Variants in SPATA18 observed in about 807,000 individuals in gnomAD.
The protein encoded by SPATA18 is spermatogenesis associated 18.
SPATA18 carries 54 observed loss-of-function variants against 68.1 expected under a neutral mutation model. The ratio of observed to expected loss-of-function variants is 0.79; its 90% CI spans 0.64 to 0.99. SPATA18 has a LOEUF of 0.99. SPATA18 is among the 50% of genes least tolerant of loss of function. The pLI, the probability that SPATA18 is intolerant of heterozygous loss-of-function variation, is 0.00. For synonymous variants in SPATA18, 242 were observed against 244.8 expected, an observed-to-expected ratio of 0.99 and a Z score of 0.11; for missense variants, 724 against 681.1, an observed-to-expected ratio of 1.06 and a Z score of -0.70.
chr4:52,077,999 G>A lies in SPATA18; in HGVS notation c.1021-736G>A, dbSNP rs1467740633. Among the ~76,000 whole-genome samples, 3 of 151,892 alleles carry A rather than the reference G, an allele frequency of 2.0e-5. No homozygotes were observed. The East Asian group carries it at 5.8e-4, about 29-fold the overall frequency. On this transcript the variant is annotated intron_variant, in intron 7 of 12. Coordinates refer to ENST00000295213, the MANE Select transcript of SPATA18 (RefSeq NM_145263.4). ...TATTTATTCATTTAAATCAGGGTTA[G>A]CAAACCATGATCTATGGACCTTATC...
chr4:52,072,058 G>A lies in SPATA18; in HGVS notation c.660G>A (p.Gln220=). Residue 220 remains glutamine (Q), a synonymous_variant, in exon 6 of 13, where the codon CAG becomes CAA. Coordinates refer to ENST00000295213, the MANE Select transcript of SPATA18 (RefSeq NM_145263.4). ...ACTCACTCAAGCAGAATGCAGACCA[G>A]CAGGACACAGAAGCCATGTCCGATT... ...QWNSLKQNAD[Q]QDTEAMSDYK... 1.2e-6 allele frequency: 2 copies of A among 1,613,956 alleles called. No homozygotes were observed. Among genetic ancestry groups the A allele is most frequent in the Non-Finnish European group, 1.7e-6 (2 of 1,180,016 alleles).
In SPATA18 at chr4:52,062,334, T is replaced by G; in HGVS notation, c.422+2T>G. 6.4e-7 allele frequency: 1 copy of G among 1,566,262 alleles called. No individual in the cohort carries two copies. The highest frequency in any genetic ancestry group is 1.2e-5 in the South Asian group (1 of 86,096). Reference sequence around the variant, plus strand: ...TCAATGCAACCAGGTTCAAGACGAGTAAGAGGAATGCAAGTTATCTTTTTC... The same window carrying G: ...TCAATGCAACCAGGTTCAAGACGAGGAAGAGGAATGCAAGTTATCTTTTTC... On this transcript the variant is annotated splice_donor_variant, in intron 4 of 12. Transcript: ENST00000295213. LOFTEE classifies it high-confidence loss of function.
intron 4 of SPATA18, among the ~76,000 whole-genome samples, chr4:52,063,381 C>T (rs1266159588): frequency 6.6e-6 from 1 of 152,228 alleles, no homozygotes; most frequent in South Asian, 2.1e-4. Context: ...TATTTTACTC[C>T]AGACATTTTT....
At chr4:52,075,001 C>T (rs1009272326) in intron 6 of SPATA18, among the ~76,000 whole-genome samples, 6 of 152,118 alleles carry the variant, frequency 3.9e-5, no homozygotes, top group Non-Finnish European at 8.8e-5. Flanking sequence ...GGTTATAATC[C>T]AGGAATAAAG....
chr4:52,090,672 C>G (rs1430666401), intron 11 of SPATA18, among the ~76,000 whole-genome samples: 2 of 152,204 alleles, frequency 1.3e-5, no homozygotes, highest in East Asian at 3.9e-4. Flanking sequence ...GTATGATGAG[C>G]TTCCCTTTGT....
At chr4:52,052,438 A>C (rs1020270757) in intron 1 of SPATA18, among the ~76,000 whole-genome samples, 10 of 152,032 alleles carry the variant, frequency 6.6e-5, no homozygotes, top group African/African-American at 2.4e-4. Flanking sequence ...AGCACTTTTC[A>C]AATCTCATTA....
At chr4:52,072,597 G>A (rs781134732) in intron 6 of SPATA18, among the ~76,000 whole-genome samples, 15 of 152,094 alleles carry the variant, frequency 9.9e-5, no homozygotes, top group South Asian at 2.1e-4. Context: ...GTAGAGATGC[G>A]GGTTCACCAT....
chr4:52,084,160 A>G (rs891266233), intron 10 of SPATA18, among the ~76,000 whole-genome samples: 1 of 152,164 alleles, frequency 6.6e-6, no homozygotes, highest in African/African-American at 2.4e-5. Flanking sequence ...TACAGCAGTC[A>G]CACTCTGTTA....
At chr4:52,059,696 A>G (rs1738661346) in intron 1 of SPATA18, among the ~76,000 whole-genome samples, 1 of 152,236 alleles carries the variant, frequency 6.6e-6, no homozygotes, top group Admixed American at 6.5e-5. Flanking sequence ...GCTGCAGAGT[A>G]ACTGGCTATT....
intron 8 of SPATA18, 25 bp downstream of exon 8, chr4:52,078,918 ACT>A (rs1351127119): frequency 3.2e-6 from 5 of 1,539,140 alleles, no homozygotes; most frequent in Non-Finnish European, 3.5e-6. Context: ...TTTTATTAGG[ACT>A]GGTTTGCTGC....
At chr4:52,088,646 T>C (rs1036855676) in intron 11 of SPATA18, among the ~76,000 whole-genome samples, 1 of 152,206 alleles carries the variant, frequency 6.6e-6, no homozygotes, top group South Asian at 2.1e-4. Flanking sequence ...TTGTTCATAG[T>C]GGATAAGCTT....
rs191857838 is a variant in SPATA18, at chr4:52,068,035, G to A, written c.423-1786G>A. ...TCTTCTTTCTTTATGTCATCCAAGC[G>A]TGTGAAATTAGCATGTATGTTTGCT... On this transcript the variant is annotated intron_variant, in intron 4 of 12. Coordinates refer to ENST00000295213, the MANE Select transcript of SPATA18 (RefSeq NM_145263.4). Among the ~76,000 whole-genome samples the A allele has an allele frequency of 8.5e-5, 13 of 152,312 alleles. No homozygotes were observed. In the East Asian group the frequency reaches 9.7e-4, roughly 11 times the overall value.
At chr4:52,079,381 A>G (rs1328271326) in intron 8 of SPATA18, among the ~76,000 whole-genome samples, 2 of 152,208 alleles carry the variant, frequency 1.3e-5, no homozygotes, top group Admixed American at 6.5e-5. Flanking sequence ...ATAAAAGCAA[A>G]CTATTAATAA....
chr4:52,074,063 A>G (rs1740102344), intron 6 of SPATA18, among the ~76,000 whole-genome samples: 1 of 152,202 alleles, frequency 6.6e-6, no homozygotes, highest in African/African-American at 2.4e-5. Flanking sequence ...CATGGTAAGT[A>G]AAACCTCCCC....
In SPATA18 at chr4:52,051,656, C is replaced by T. The variant is rs535443261; in HGVS notation, c.-49C>T. 2.5e-5 allele frequency: 39 copies of T among 1,573,914 alleles called. No individual in the cohort carries two copies. In the East Asian group the frequency reaches 5.6e-4, roughly 23 times the overall value. On this transcript the variant is annotated 5_prime_UTR_variant, in exon 1 of 13. Coordinates refer to ENST00000295213, the MANE Select transcript of SPATA18 (RefSeq NM_145263.4). Reference sequence around the variant, plus strand: ...GGTCCTGCGGAGGCCACCGCCTGGTCCCCCCAAGTCTCCATCGCGCAGCGT... The same window carrying T: ...GGTCCTGCGGAGGCCACCGCCTGGTTCCCCCAAGTCTCCATCGCGCAGCGT...
intron 10 of SPATA18, among the ~76,000 whole-genome samples, chr4:52,083,947 G>A (rs1741178631): frequency 6.6e-6 from 1 of 151,206 alleles, no homozygotes; most frequent in African/African-American, 2.4e-5. Flanking sequence ...CACCATGTTG[G>A]TCAGGCTGGT....
Position 52,084,925 on chromosome 4 carries a change from G to A in SPATA18, c.1489G>A (p.Val497Met). The change falls in exon 11 of 13, where the codon GTG (valine) becomes ATG (methionine). Residue 497 changes from valine (V) to methionine (M), a missense_variant. Val to Met is a conservative substitution (Grantham distance 21). Coordinates refer to ENST00000295213, the MANE Select transcript of SPATA18 (RefSeq NM_145263.4). Reference sequence around the variant, plus strand: ...CTCTCTCTTTTTTAAGTGGAATTCGGTGCGATCTGTAAGTCGTTGTCGAAG... The same window carrying A: ...CTCTCTCTTTTTTAAGTGGAATTCGATGCGATCTGTAAGTCGTTGTCGAAG... Reference protein sequence around the residue: ...VTRRGAFWNSVRSVSRCRSRS... With the variant: ...VTRRGAFWNSMRSVSRCRSRS... 2 of 1,613,880 alleles carry A rather than the reference G, an allele frequency of 1.2e-6. No individual in the cohort carries two copies. The highest frequency in any genetic ancestry group is 1.7e-6 in the Non-Finnish European group (2 of 1,179,890).
At chr4:52,055,280 C>G (rs574921792) in intron 1 of SPATA18, among the ~76,000 whole-genome samples, 1 of 152,174 alleles carries the variant, frequency 6.6e-6, no homozygotes, top group Non-Finnish European at 1.5e-5. Context: ...ACACTTATAA[C>G]GTGGAAACTT....
chr4:52,071,833 T>G (rs941989008), intron 5 of SPATA18, 84 bp from the exon 6 acceptor site: 236 of 1,357,626 alleles, frequency 1.7e-4, no homozygotes, highest in Non-Finnish European at 5.5e-5. Flanking sequence ...GCATGCCAAT[T>G]GCTGCTTATT....
Sources: gnomAD v4.1 joint callset for allele counts (sites outside exome capture counted in the v4.1 genomes callset) on GRCh38, gnomAD v4.1.1 for gene constraint, MANE v1.5 for transcripts, NCBI Gene and HGNC (gene_info 2026-07-23, HGNC 2026-07-21) for gene names.